SLCO6A1: variants seen among roughly 807,000 people sequenced by gnomAD.
SLCO6A1 encodes the protein solute carrier organic anion transporter family member 6A1, also known as cancer/testis antigen 48.
SLCO6A1 carries 65 observed loss-of-function variants against 72.7 expected under a neutral mutation model. The observed-to-expected ratio is 0.89, with a 90% confidence interval of 0.73 to 1.10. SLCO6A1 has a LOEUF of 1.10. Among genes scored for constraint, SLCO6A1 ranks in the 50% least tolerant of loss-of-function variants. SLCO6A1 has a pLI of 0.00. For missense variants in SLCO6A1, 874 were observed against 872.6 expected (o/e 1.00, Z -0.02); for synonymous variants, 314 against 298.2 (o/e 1.05, Z -0.55).
chr5:102,397,092 T>C (rs2112541079), intron 10 of SLCO6A1, among the ~76,000 whole-genome samples: 1 of 152,304 alleles, frequency 6.6e-6, no homozygotes, highest in South Asian at 2.1e-4. Context: ...GCCATGATTG[T>C]TTCATTTTTT....
At chr5:102,473,237 A>G (rs1751721495) in intron 4 of SLCO6A1, among the ~76,000 whole-genome samples, 1 of 152,062 alleles carries the variant, frequency 6.6e-6, no homozygotes, top group South Asian at 2.1e-4. Flanking sequence ...AAACACAAGC[A>G]AATTGAATGT....
At chr5:102,406,769 C>G (rs1435348693) in intron 9 of SLCO6A1, among the ~76,000 whole-genome samples, 3 of 151,752 alleles carry the variant, frequency 2.0e-5, no homozygotes, top group Admixed American at 2.0e-4. Context: ...AATACTAGAA[C>G]TAAAAAATAC....
intron 10 of SLCO6A1, among the ~76,000 whole-genome samples, chr5:102,392,531 T>C (rs1746823212): frequency 1.3e-5 from 2 of 152,120 alleles, no homozygotes; most frequent in South Asian, 2.1e-4. Flanking sequence ...GCAGTATTTA[T>C]GTATCTTCAG....
intron 1 of SLCO6A1, among the ~76,000 whole-genome samples, chr5:102,491,004 A>G (rs1317322294): frequency 1.3e-5 from 2 of 152,040 alleles, no homozygotes; most frequent in Non-Finnish European, 2.9e-5. Flanking sequence ...TTTTACAGAG[A>G]GCCGAGTGGT....
chr5:102,445,896 C>T (rs754379715), intron 6 of SLCO6A1, among the ~76,000 whole-genome samples: 1 of 152,048 alleles, frequency 6.6e-6, no homozygotes, highest in Non-Finnish European at 1.5e-5. Context: ...ACCTTTATTT[C>T]TGTGTTCTCT....
intron 1 of SLCO6A1, among the ~76,000 whole-genome samples, chr5:102,489,731 A>G (rs1266634141): frequency 6.6e-6 from 1 of 152,246 alleles, no homozygotes; most frequent in Non-Finnish European, 1.5e-5. Context: ...TGATCCGGCA[A>G]TTCTGCTACT....
intron 6 of SLCO6A1, among the ~76,000 whole-genome samples, chr5:102,455,027 T>TATACATAA (rs144619414): frequency 0.23 from 32,644 of 141,644 alleles, 4,101 homozygotes; most frequent in South Asian, 0.32. Flanking sequence ...TATATATATA[T>TATACATAA]AAATTATGTT....
At chr5:102,406,365 C>T (rs75770144) in intron 9 of SLCO6A1, among the ~76,000 whole-genome samples, 24 of 151,672 alleles carry the variant, frequency 1.6e-4, no homozygotes, top group African/African-American at 4.8e-4. Flanking sequence ...ATATTATTAT[C>T]GGAGACAAAA....
Position 102,413,117 on chromosome 5 carries a change from G to A in SLCO6A1, c.1499C>T (p.Ala500Val). The A allele has an allele frequency of 6.4e-7, 1 of 1,564,370 alleles. No homozygotes were observed. The highest frequency in any genetic ancestry group is 8.6e-7 in the Non-Finnish European group (1 of 1,162,452). ...DGTGKLGNLT[A>V]PCNEKCRCSS... is the part of the protein sequence containing the mutation. ...GCATCTACATTTTTCATTGCAAGGA[G>A]CCGTGAGGTTTCCCAACTTCCCTGT... is the stretch of plus-strand genomic sequence containing the variant. Residue 500 changes from alanine to valine, a missense_variant, in exon 9 of 14, where the codon GCT becomes GTT. Physicochemically the swap from Ala to Val is moderately conservative, Grantham distance 64. Transcript: ENST00000506729.
In SLCO6A1 at chr5:102,471,851, C is replaced by A. The variant is rs142565289; in HGVS notation, c.899+3846G>T. On this transcript the variant is annotated intron_variant, in intron 4 of 13. Transcript: ENST00000506729. ...AGACTTCAGGAAAAATAACAAGGCACAGTATAACATTCTGGGGCTAGCTAT... is the reference window on the plus strand; with the variant it reads ...AGACTTCAGGAAAAATAACAAGGCAAAGTATAACATTCTGGGGCTAGCTAT... Among the ~76,000 whole-genome samples the A allele has an allele frequency of 5.0e-4, 76 of 152,054 alleles. No individual in the cohort carries two copies. The East Asian group carries it at 0.013, about 27-fold the overall frequency.
chr5:102,402,265 G>C (rs1456085397), intron 9 of SLCO6A1, among the ~76,000 whole-genome samples: 1 of 152,096 alleles, frequency 6.6e-6, no homozygotes, highest in East Asian at 1.9e-4. Context: ...GTATTAGAAA[G>C]AGCCTCAAGA....
chr5:102,426,358 G>A (rs1200328181), intron 7 of SLCO6A1, among the ~76,000 whole-genome samples: 1 of 152,080 alleles, frequency 6.6e-6, no homozygotes, highest in East Asian at 1.9e-4. Flanking sequence ...GAAAATTTTT[G>A]AAATCTATCC....
chr5:102,439,309 A>G (rs1749712220), intron 6 of SLCO6A1, among the ~76,000 whole-genome samples: 1 of 152,088 alleles, frequency 6.6e-6, no homozygotes, highest in Non-Finnish European at 1.5e-5. Context: ...GAACTTATTT[A>G]GAAGGCTAAG....
intron 7 of SLCO6A1, among the ~76,000 whole-genome samples, chr5:102,434,882 G>T (rs760437330): frequency 6.6e-6 from 1 of 152,020 alleles, no homozygotes; most frequent in Non-Finnish European, 1.5e-5. Context: ...CCAGCAATGT[G>T]CAATTACCCT....
chr5:102,470,100 A>T (rs1751526881), intron 4 of SLCO6A1, among the ~76,000 whole-genome samples: 1 of 152,010 alleles, frequency 6.6e-6, no homozygotes. Flanking sequence ...TTCATCAGGG[A>T]TATTGGCCTA....
At chr5:102,486,826 G>A (rs1279403645) in intron 1 of SLCO6A1, among the ~76,000 whole-genome samples, 3 of 151,914 alleles carry the variant, frequency 2.0e-5, no homozygotes, top group African/African-American at 2.4e-5. Flanking sequence ...ATAAATAATT[G>A]TATCTTCAAA....
At chr5:102,411,590 G>C (rs1446004755) in intron 9 of SLCO6A1, among the ~76,000 whole-genome samples, 1 of 119,944 alleles carries the variant, frequency 8.3e-6, no homozygotes, top group Non-Finnish European at 1.8e-5. Context: ...TGAGGACTAA[G>C]CTCTGATTTT....
intron 7 of SLCO6A1, among the ~76,000 whole-genome samples, chr5:102,427,864 A>ATTTTT (rs1200200259): frequency 1.0e-4 from 8 of 76,272 alleles, no homozygotes; most frequent in Admixed American, 1.8e-4. Flanking sequence ...ATATATATAT[A>ATTTTT]TTTTTTTTTT....
At chr5:102,433,828 A>G (rs770981097) in intron 7 of SLCO6A1, among the ~76,000 whole-genome samples, 2 of 152,100 alleles carry the variant, frequency 1.3e-5, no homozygotes, top group Non-Finnish European at 2.9e-5. Flanking sequence ...GCTAGCCTCC[A>G]TGGGGGAGCT....
Sources: gnomAD v4.1 joint callset for allele counts (sites outside exome capture counted in the v4.1 genomes callset) on GRCh38, gnomAD v4.1.1 for gene constraint, MANE v1.5 for transcripts, NCBI Gene and HGNC (gene_info 2026-07-23, HGNC 2026-07-21) for gene names.